KCP: variants seen among roughly 807,000 people sequenced by gnomAD.
The protein encoded by KCP is kielin cysteine rich BMP regulator.
A neutral mutation model predicts 212.7 loss-of-function variants in KCP; 194 were observed. The ratio of observed to expected loss-of-function variants is 0.91; its 90% confidence interval spans 0.81 to 1.03. KCP has a LOEUF of 1.03. Among genes scored for constraint, KCP ranks in the 50% least tolerant of loss-of-function variants. KCP has a pLI of 0.00. For missense variants in KCP, 2,080 were observed against 2,162.5 expected (o/e 0.96, Z 0.76); for synonymous variants, 833 against 865.3 (o/e 0.96, Z 0.65).
At position 128,881,082 on chromosome 7, in the gene KCP, C is replaced by G. The variant is rs1342956514; in HGVS notation, c.3428G>C (p.Cys1143Ser). The G allele has an allele frequency of 2.5e-6, 1 of 398,790 alleles. No homozygotes were observed. The highest frequency in any genetic ancestry group is 2.1e-5 in the African/African-American group (1 of 48,656). 24.7% of individuals were successfully genotyped at this position (398,790 alleles called of 1,614,324 possible). The change falls in exon 32 of 40, where the codon TGT becomes TCT. Residue 1143 changes from cysteine to serine, a missense_variant. Transcript: ENST00000610776. ...PGSCCPVCRE[C>S]VVEAEGRRVA... is the part of the protein sequence containing the mutation. ...TCTCCGGCCCTCGGCCTCCACCACA[C>G]ATTCTGAGGGGGGAGACATGGGATG... is the stretch of plus-strand genomic sequence containing the variant.
At chr7:128,878,142 C>T (rs557440275) in intron 38 of KCP, among the ~76,000 whole-genome samples, 1 of 151,634 alleles carries the variant, frequency 6.6e-6, no homozygotes, top group East Asian at 1.9e-4. Context: ...CCACAACTTC[C>T]ACTTCCTGGG....
chr7:128,900,173 T>C (rs1057366778), intron 8 of KCP, among the ~76,000 whole-genome samples: 1 of 152,240 alleles, frequency 6.6e-6, no homozygotes, highest in Non-Finnish European at 1.5e-5. Context: ...ATAATCATTC[T>C]TGCGGCACTT....
Position 128,890,473 on chromosome 7 carries a change from G to A in KCP, c.2205C>T (p.Arg735=). 1.3e-6 allele frequency: 2 copies of A among 1,550,676 alleles called. No homozygotes were observed. Among genetic ancestry groups the A allele is most frequent in the East Asian group, 2.4e-5 (1 of 40,906 alleles). ...YQGKEFASGE[R]FPSPTAACHL... Reference sequence around the variant, plus strand: ...GGCAGGCAGCAGTGGGCGATGGGAAGCGCTCCCCGCTGGCAAACTCCTTCC... The same window carrying A: ...GGCAGGCAGCAGTGGGCGATGGGAAACGCTCCCCGCTGGCAAACTCCTTCC... The change falls in exon 21 of 40, where the codon CGC becomes CGT. Residue 735 remains arginine (R), a synonymous_variant. Coordinates refer to ENST00000610776, the MANE Select transcript of KCP (RefSeq NM_001366122.1).
Position 128,885,215 on chromosome 7 carries a change from G to C in KCP, c.2922C>G (p.Asp974Glu). Residue 974 changes from aspartate (D) to glutamate (E), a missense_variant, in exon 27 of 40, where the codon GAC becomes GAG. By Grantham distance (45) the Asp-to-Glu change is conservative. Transcript: ENST00000610776. ...HPEGSRWVPP[D>E]SACSSCVCHE... ...GACACACACAGGAGGAGCAGGCACTGTCGGGGGGCACCCATCTACTGCCTT... is the reference window on the plus strand; with the variant it reads ...GACACACACAGGAGGAGCAGGCACTCTCGGGGGGCACCCATCTACTGCCTT... 1 of 1,550,716 alleles carries C rather than the reference G, an allele frequency of 6.4e-7. No individual in the cohort carries two copies. Among genetic ancestry groups the C allele is most frequent in the Non-Finnish European group, 8.7e-7 (1 of 1,146,866 alleles).
Position 128,879,187 on chromosome 7 carries a change from A to AC in KCP, c.4146+334dup, listed in dbSNP as rs751731078. On this transcript the variant is annotated intron_variant, in intron 37 of 39. Coordinates refer to ENST00000610776, the MANE Select transcript of KCP (RefSeq NM_001366122.1). ...ATGAGAGTTGGAAGGAACCTGAGAC[A>AC]CCCCCCCAGGAGACTTCAGCTGACA... 73 of 382,012 alleles carry AC rather than the reference A, an allele frequency of 1.9e-4. 1 individual carries two copies. Among genetic ancestry groups the AC allele is most frequent in the South Asian group, 1.3e-3 (28 of 21,556 alleles). The allele number at this position is 382,012 out of a possible 1,614,324, so 23.7% of individuals were successfully genotyped here.
Position 128,891,753 on chromosome 7 carries a change from T to C in KCP, c.1688A>G (p.Gln563Arg). 1.4e-6 allele frequency: 2 copies of C among 1,428,800 alleles called. No individual in the cohort carries two copies. Among genetic ancestry groups the C allele is most frequent in the Non-Finnish European group, 1.8e-6 (2 of 1,088,154 alleles). 88.5% of individuals were successfully genotyped at this position (1,428,800 alleles called of 1,614,324 possible). A position where few individuals can be genotyped will look rare whatever the true frequency, so the allele number is the denominator to read the frequency against. Residue 563 changes from glutamine to arginine, a missense_variant, in exon 17 of 40, where the codon CAG (glutamine) becomes CGG (arginine). Coordinates refer to ENST00000610776, the MANE Select transcript of KCP (RefSeq NM_001366122.1). ...ATGGCCTTCCTGGCATCGGCACTCC[T>C]GGCAGGGGTCTCGGGGGTGGGAGAA... ...ESFSHPRDPC[Q>R]ECRCQEGHAH...
chr7:128,882,275 G>A (rs1793379146), intron 29 of KCP, among the ~76,000 whole-genome samples: 1 of 152,128 alleles, frequency 6.6e-6, no homozygotes, highest in Admixed American at 6.5e-5. Context: ...ACCAACCATG[G>A]CTTCCTTAGC....
At chr7:128,888,665 G>C (rs571226653) in intron 22 of KCP, among the ~76,000 whole-genome samples, 198 bp downstream of exon 22, 3 of 151,150 alleles carry the variant, frequency 2.0e-5, no homozygotes, top group East Asian at 1.9e-4. Flanking sequence ...CACACACACA[G>C]AGCCACACAT....
intron 9 of KCP, 37 bp from the exon 10 acceptor site, chr7:128,894,092 C>A: frequency 6.5e-7 from 1 of 1,534,216 alleles, no homozygotes; most frequent in South Asian, 1.2e-5. Flanking sequence ...TCCTCAGGGG[C>A]CCCTCCCCAC....
intron 28 of KCP, 46 bp downstream of exon 28, chr7:128,884,734 TC>T (rs200525890): frequency 0.029 from 44,409 of 1,516,334 alleles, 782 homozygotes; most frequent in Middle Eastern, 0.055. Context: ...TGCTGCCCAC[TC>T]CCCCCCGACG....
chr7:128,878,521 T>TC (rs1286900351), intron 38 of KCP, 37 bp downstream of exon 38: 8 of 1,528,200 alleles, frequency 5.2e-6, no homozygotes, highest in Non-Finnish European at 7.1e-6. Flanking sequence ...CAGCTGCGTC[T>TC]CCCCTAATCC....
intron 7 of KCP, chr7:128,903,155 CA>C (rs1280605337): frequency 2.1e-6 from 1 of 473,756 alleles, no homozygotes; most frequent in Non-Finnish European, 3.8e-6. Flanking sequence ...GCCAACATTG[CA>C]CACTCACCCT....
At chr7:128,889,471 G>T (rs997942336) in intron 21 of KCP, among the ~76,000 whole-genome samples, 5 of 152,182 alleles carry the variant, frequency 3.3e-5, no homozygotes, top group African/African-American at 1.2e-4. Context: ...GGGGTCCCAG[G>T]GTGGTGACAG....
chr7:128,887,443 A>G (rs979571163), intron 22 of KCP, 143 bp from the exon 23 acceptor site: 2 of 686,144 alleles, frequency 2.9e-6, no homozygotes, highest in Non-Finnish European at 5.3e-6. Flanking sequence ...ACCCATATAC[A>G]CAGCCACACC....
At chr7:128,881,824 A>C in intron 30 of KCP, 99 bp from the exon 31 acceptor site, 1 of 1,387,078 alleles carries the variant, frequency 7.2e-7, no homozygotes, top group Non-Finnish European at 9.9e-7. Context: ...CAAGTGGGCA[A>C]ATGTCAGGGC....
intron 22 of KCP, 99 bp downstream of exon 22, chr7:128,888,764 A>G: frequency 8.8e-7 from 1 of 1,140,702 alleles, no homozygotes; most frequent in Non-Finnish European, 1.2e-6. Flanking sequence ...AGTATGGTGG[A>G]GCGGCAGGCA....
intron 31 of KCP, among the ~76,000 whole-genome samples, chr7:128,881,328 C>T (rs1195220632): frequency 6.6e-6 from 1 of 152,238 alleles, no homozygotes; most frequent in African/African-American, 2.4e-5. Context: ...CACTCTGGGC[C>T]AGCTGCCCGC....
At chr7:128,904,306 C>G (rs1257822652) in intron 5 of KCP, 168 bp from the exon 6 acceptor site, 1 of 1,552,366 alleles carries the variant, frequency 6.4e-7, no homozygotes, top group African/African-American at 1.4e-5. Flanking sequence ...TGGGGCAGCA[C>G]TCCCCAGGTG....
At chr7:128,886,340 G>T in intron 26 of KCP, 124 bp downstream of exon 26, 1 of 765,920 alleles carries the variant, frequency 1.3e-6, no homozygotes, top group Non-Finnish European at 2.1e-6. Context: ...AAGGGTGTAT[G>T]CAAGGGCCAG....
Sources: gnomAD v4.1 joint callset for allele counts (sites outside exome capture counted in the v4.1 genomes callset) on GRCh38, gnomAD v4.1.1 for gene constraint, MANE v1.5 for transcripts, NCBI Gene and HGNC (gene_info 2026-07-23, HGNC 2026-07-21) for gene names.